Variants in FHOD3 observed in about 807,000 individuals in gnomAD.
FHOD3 encodes the protein formin homology 2 domain containing 3, also known as FH1/FH2 domain-containing protein 3.
Under a neutral mutation model 173.0 loss-of-function variants are expected in FHOD3, and 90 were observed. That is an observed-to-expected ratio of 0.52 (90% confidence interval 0.44 to 0.62). The LOEUF is 0.62. Ranked by LOEUF, FHOD3 falls within the 20% of genes least tolerant of loss-of-function variation. FHOD3 has a pLI of 0.00. For synonymous variants in FHOD3, 828 were observed against 823.0 expected, an observed-to-expected ratio of 1.01 and a Z score of -0.10; for missense variants, 1,945 against 2,034.7, an observed-to-expected ratio of 0.96 and a Z score of 0.85.
chr18:36,520,086 T>C (rs1273804715), intron 5 of FHOD3, among the ~76,000 whole-genome samples: 1 of 151,870 alleles, frequency 6.6e-6, no homozygotes, highest in Non-Finnish European at 1.5e-5. Context: ...GCCTCTCTAG[T>C]AGCTGGAACC....
chr18:36,602,698 TGGAAATCCTGGA>T lies in FHOD3; in HGVS notation c.749_760del (p.Ile250_Glu253del). ...GGGGTCAAACCTTGGTCAAATATCATGGAAATCCTGGAGGAAAAAGATGGAGTTGATACGGAG... is the reference window on the plus strand; with the variant it reads ...GGGGTCAAACCTTGGTCAAATATCATGGAAAAAGATGGAGTTGATACGGAG... On this transcript the variant is annotated inframe_deletion, in exon 8 of 29. Transcript: ENST00000590592. 1 of 1,614,184 alleles carries T rather than the reference TGGAAATCCTGGA, an allele frequency of 6.2e-7. No individual in the cohort carries two copies. The highest frequency in any genetic ancestry group is 1.1e-5 in the South Asian group (1 of 91,086).
At chr18:36,402,713 C>T (rs890627883) in intron 3 of FHOD3, among the ~76,000 whole-genome samples, 5 of 152,120 alleles carry the variant, frequency 3.3e-5, no homozygotes, top group African/African-American at 1.2e-4. Flanking sequence ...TGAGCCTTTC[C>T]CTTCCCTTAT....
chr18:36,444,437 G>A (rs1049860365), intron 3 of FHOD3, among the ~76,000 whole-genome samples: 3 of 152,088 alleles, frequency 2.0e-5, no homozygotes, highest in Non-Finnish European at 4.4e-5. Context: ...TATGTGAGAA[G>A]CATAAGCATG....
chr18:36,576,718 C>T (rs2058668225), intron 6 of FHOD3, among the ~76,000 whole-genome samples, 173 bp downstream of exon 6: 1 of 152,118 alleles, frequency 6.6e-6, no homozygotes, highest in Non-Finnish European at 1.5e-5. Flanking sequence ...TTGCAAATAG[C>T]TCATGAAATT....
At chr18:36,393,630 A>G (rs537269959) in intron 3 of FHOD3, among the ~76,000 whole-genome samples, 1 of 152,284 alleles carries the variant, frequency 6.6e-6, no homozygotes, top group African/African-American at 2.4e-5. Context: ...CACAAAGGCA[A>G]TCAGTCATTC....
rs892302858 is a variant in FHOD3, at chr18:36,764,630, T to C, written c.4624+3848T>C. On this transcript the variant is annotated intron_variant, in intron 27 of 28. Coordinates refer to ENST00000590592, the MANE Select transcript of FHOD3 (RefSeq NM_001281740.3). The stretch of plus-strand genomic sequence containing the variant: ...TACCAATTTTAAAGGAAAAGAAACA[T>C]CTATTCCTGACCAGAAAGGATAGCG... Among the ~76,000 whole-genome samples, 56 of 152,030 alleles carry C rather than the reference T, an allele frequency of 3.7e-4. 1 individual carries two copies. The highest frequency in any genetic ancestry group is 1.4e-3 in the African/African-American group (56 of 41,390).
At chr18:36,659,429 A>T (rs2036631630) in intron 14 of FHOD3, among the ~76,000 whole-genome samples, 1 of 152,156 alleles carries the variant, frequency 6.6e-6, no homozygotes. Context: ...TCCTGTTGGG[A>T]TTAGCTGAAG....
chr18:36,771,112 G>A (rs2043357833), intron 28 of FHOD3, among the ~76,000 whole-genome samples: 1 of 152,086 alleles, frequency 6.6e-6, no homozygotes, highest in Admixed American at 6.6e-5. Flanking sequence ...TTGGCTAGGG[G>A]CTCGCAACTC....
chr18:36,464,932 G>GAC lies in FHOD3; in HGVS notation c.338-36985_338-36984dup, dbSNP rs545970619. On this transcript the variant is annotated intron_variant, in intron 3 of 28. Transcript: ENST00000590592. ...TCAGTGTCCGACTATCTTTTTCTGT[G>GAC]ACACACACACACACACGCAGGCAAA... 2.6e-3 allele frequency among the ~76,000 whole-genome samples: 399 copies of GAC among 151,346 alleles called. 3 individuals are homozygous for GAC. The highest frequency in any genetic ancestry group is 8.8e-3 in the African/African-American group (363 of 41,318).
intron 27 of FHOD3, among the ~76,000 whole-genome samples, chr18:36,766,367 T>G (rs1483922807): frequency 6.6e-6 from 1 of 152,236 alleles, no homozygotes; most frequent in African/African-American, 2.4e-5. Flanking sequence ...TTCTTTCAAA[T>G]CTCAGTTTTC....
chr18:36,301,117 T>C (rs2091948608), intron 1 of FHOD3, among the ~76,000 whole-genome samples: 1 of 152,150 alleles, frequency 6.6e-6, no homozygotes. Flanking sequence ...TGGGTGAATC[T>C]TCTTAAAGTA....
intron 5 of FHOD3, among the ~76,000 whole-genome samples, chr18:36,524,607 A>G (rs2056429332): frequency 6.6e-6 from 1 of 152,108 alleles, no homozygotes; most frequent in African/African-American, 2.4e-5. Flanking sequence ...GGCTTCCCTC[A>G]TATCTACCCA....
chr18:36,326,228 A>T (rs2044664400), intron 1 of FHOD3, among the ~76,000 whole-genome samples: 1 of 152,228 alleles, frequency 6.6e-6, no homozygotes, highest in African/African-American at 2.4e-5. Context: ...AAAGATTCAA[A>T]TATGCCTGCC....
intron 19 of FHOD3, among the ~76,000 whole-genome samples, chr18:36,724,132 G>A (rs1452715686): frequency 3.3e-5 from 5 of 152,296 alleles, no homozygotes; most frequent in African/African-American, 9.6e-5. Context: ...TGTTCTATCC[G>A]AAAGCCTGAC....
intron 7 of FHOD3, among the ~76,000 whole-genome samples, chr18:36,598,807 C>G (rs1249700506): frequency 6.6e-6 from 1 of 152,212 alleles, no homozygotes; most frequent in African/African-American, 2.4e-5. Context: ...CCTCGGCCTC[C>G]CAAAGTGCTG....
intron 15 of FHOD3, among the ~76,000 whole-genome samples, chr18:36,685,316 G>A (rs627756): frequency 0.67 from 101,926 of 152,008 alleles, 34,279 homozygotes; most frequent in African/African-American, 0.71. Context: ...CTAATCAACC[G>A]TAGGCAACTA....
intron 14 of FHOD3, among the ~76,000 whole-genome samples, chr18:36,664,985 C>T (rs1435567567): frequency 1.3e-5 from 2 of 152,114 alleles, no homozygotes; most frequent in African/African-American, 4.8e-5. Flanking sequence ...TGCAGCTACT[C>T]AGGAGGCAGA....
intron 3 of FHOD3, among the ~76,000 whole-genome samples, chr18:36,450,603 G>T (rs908475570): frequency 2.0e-5 from 3 of 151,842 alleles, no homozygotes; most frequent in Non-Finnish European, 4.4e-5. Flanking sequence ...ACCAGCCTGG[G>T]CAACATGGTG....
At position 36,360,260 on chromosome 18, in the gene FHOD3, G is replaced by A. The variant is rs549650168; in HGVS notation, c.272+4615G>A. Among the ~76,000 whole-genome samples the A allele has an allele frequency of 1.3e-4, 20 of 152,312 alleles. No homozygotes were observed. In the South Asian group the frequency reaches 4.1e-3, roughly 32 times the overall value. On this transcript the variant is annotated intron_variant, in intron 2 of 28. Transcript: ENST00000590592. Reference sequence around the variant, plus strand: ...TGGACCTGAGAACCATGATGTTTCAGGGACATCATGAGGACCAGTGTGGTG... The same window carrying A: ...TGGACCTGAGAACCATGATGTTTCAAGGACATCATGAGGACCAGTGTGGTG...
Sources: allele counts gnomAD v4.1 joint callset (sites outside exome capture counted in the v4.1 genomes callset), GRCh38; gene constraint gnomAD v4.1.1; transcripts MANE v1.5; gene names NCBI Gene and HGNC (gene_info 2026-07-23, HGNC 2026-07-21).